RIC1: variants seen among roughly 807,000 people sequenced by gnomAD.
RIC1 encodes the protein RIC1 partner of RAB6A GEF complex, also known as guanine nucleotide exchange factor subunit RIC1.
RIC1 carries 88 observed loss-of-function variants against 169.0 expected under a neutral mutation model. The observed-to-expected ratio is 0.52, with a 90% CI of 0.44 to 0.62. RIC1 has a LOEUF of 0.62. Ranked by LOEUF, RIC1 falls within the 20% of genes least tolerant of loss-of-function variation. The pLI, the probability that RIC1 is intolerant of heterozygous loss-of-function variation, is 0.00. For missense variants in RIC1, 1,877 were observed against 1,725.5 expected (o/e 1.09, Z -1.56); for synonymous variants, 790 against 601.5 (o/e 1.31, Z -4.59).
chr9:5,655,239 C>G (rs540185062), intron 1 of RIC1, among the ~76,000 whole-genome samples: 2 of 152,028 alleles, frequency 1.3e-5, no homozygotes, highest in African/African-American at 4.8e-5. Context: ...TTTCTATTCC[C>G]GAGAGGTTTT....
intron 17 of RIC1, among the ~76,000 whole-genome samples, chr9:5,759,345 G>A (rs755986566): frequency 1.3e-5 from 2 of 152,152 alleles, no homozygotes; most frequent in Non-Finnish European, 2.9e-5. Flanking sequence ...ATCAAATCAA[G>A]TATAGAGAGT....
intron 10 of RIC1, among the ~76,000 whole-genome samples, chr9:5,744,336 A>G (rs918964326): frequency 6.6e-6 from 1 of 152,214 alleles, no homozygotes; most frequent in South Asian, 2.1e-4. Flanking sequence ...GGATATCTGT[A>G]TCTATATATC....
intron 1 of RIC1, among the ~76,000 whole-genome samples, chr9:5,637,525 C>T (rs942667797): frequency 6.6e-6 from 1 of 152,176 alleles, no homozygotes; most frequent in Non-Finnish European, 1.5e-5. Context: ...ACTGTAGTCA[C>T]CCTGTTGTGC....
At chr9:5,759,519 A>G (rs1012217886) in intron 17 of RIC1, among the ~76,000 whole-genome samples, 46 of 152,216 alleles carry the variant, frequency 3.0e-4, no homozygotes, top group African/African-American at 9.9e-4. Flanking sequence ...AAATGTGATA[A>G]TCACTACCCT....
At position 5,720,713 on chromosome 9, in the gene RIC1, G is replaced by C. The variant is rs745594567; in HGVS notation, c.683G>C (p.Gly228Ala). 2 of 1,611,868 alleles carry C rather than the reference G, an allele frequency of 1.2e-6. No homozygotes were observed. Among genetic ancestry groups the C allele is most frequent in the South Asian group, 1.1e-5 (1 of 90,664 alleles). The change falls in exon 6 of 26, where the codon GGA (glycine) becomes GCA (alanine). Residue 228 changes from glycine (G) to alanine (A), a missense_variant. Physicochemically the swap from Gly to Ala is moderately conservative, Grantham distance 60. Around this residue, in one of 3 missense-constraint regions of RIC1, gnomAD observed 1,104 missense variants for 992.0 expected, o/e 1.11. Coordinates refer to ENST00000414202, the MANE Select transcript of RIC1 (RefSeq NM_020829.4). ...FAVVFNDGKVGFITPVSSRFT... is the reference protein window; with the variant it reads ...FAVVFNDGKVAFITPVSSRFT... ...GTTGTATTTAATGATGGTAAAGTTG[G>C]ATTTATTACACCAGTGTCAAGTAGA...
intron 6 of RIC1, among the ~76,000 whole-genome samples, chr9:5,732,053 C>T (rs551217927): frequency 3.9e-5 from 6 of 152,284 alleles, no homozygotes; most frequent in Non-Finnish European, 8.8e-5. Flanking sequence ...ATGCTGTTTC[C>T]GCTGTCAAAA....
chr9:5,697,086 C>A (rs1386315380), intron 3 of RIC1, among the ~76,000 whole-genome samples: 5 of 152,174 alleles, frequency 3.3e-5, no homozygotes. Flanking sequence ...TGTGGAGTGT[C>A]ACTATGTATT....
intron 2 of RIC1, among the ~76,000 whole-genome samples, chr9:5,686,080 T>C (rs201983304): frequency 3.4e-4 from 52 of 151,672 alleles, no homozygotes; most frequent in African/African-American, 9.0e-4. Flanking sequence ...CTATGAGATA[T>C]CATCTCACAC....
chr9:5,741,793 C>G (rs1825098121), intron 8 of RIC1, among the ~76,000 whole-genome samples: 1 of 152,088 alleles, frequency 6.6e-6, no homozygotes, highest in Non-Finnish European at 1.5e-5. Flanking sequence ...TGTCTTGATT[C>G]TTTGTGTTCT....
chr9:5,726,656 C>G (rs1309928822), intron 6 of RIC1, among the ~76,000 whole-genome samples: 1 of 152,200 alleles, frequency 6.6e-6, no homozygotes, highest in Non-Finnish European at 1.5e-5. Context: ...CATCGATGGT[C>G]TTTACAATTT....
At chr9:5,723,166 C>T (rs1180374425) in intron 6 of RIC1, among the ~76,000 whole-genome samples, 1 of 152,196 alleles carries the variant, frequency 6.6e-6, no homozygotes, top group African/African-American at 2.4e-5. Context: ...AGTTTACAGT[C>T]CCACCAACAG....
chr9:5,763,150 G>A lies in RIC1; in HGVS notation c.2123G>A (p.Cys708Tyr). The A allele has an allele frequency of 6.2e-7, 1 of 1,613,484 alleles. No individual in the cohort carries two copies. Among genetic ancestry groups the A allele is most frequent in the Non-Finnish European group, 8.5e-7 (1 of 1,179,500 alleles). Residue 708 changes from cysteine to tyrosine, a missense_variant, in exon 19 of 26, where the codon TGT becomes TAT. Physicochemically the swap from Cys to Tyr is radical, Grantham distance 194 (BLOSUM62 -2). This residue lies in a region of RIC1 where 1,104 missense variants were observed against 992.0 expected (regional missense o/e 1.11). Transcript: ENST00000414202. The surrounding 1 kb of genome is among the most constrained non-coding windows in gnomAD (Gnocchi z 5.2). The stretch of plus-strand genomic sequence containing the variant: ...TCTCTCCTTCTCCAGCTGCCATTCT[G>A]TCCTCCTGTTGTACTAGCCCAGTCT... ...PNNQRKLLPF[C>Y]PPVVLAQSVE... is the part of the protein sequence containing the mutation.
intron 6 of RIC1, among the ~76,000 whole-genome samples, chr9:5,721,018 T>A (rs1253804231): frequency 6.6e-6 from 1 of 152,214 alleles, no homozygotes; most frequent in Non-Finnish European, 1.5e-5. Context: ...ACTGGTTATT[T>A]TGATTTTTAA....
chr9:5,715,602 C>G (rs1444659499), intron 4 of RIC1, among the ~76,000 whole-genome samples: 3 of 152,156 alleles, frequency 2.0e-5, no homozygotes, highest in African/African-American at 7.2e-5. Context: ...CTCCTGTCAC[C>G]ACAAATATAA....
intron 6 of RIC1, among the ~76,000 whole-genome samples, chr9:5,723,055 C>G (rs1823710914): frequency 6.6e-6 from 1 of 152,184 alleles, no homozygotes; most frequent in African/African-American, 2.4e-5. Context: ...GATTTATAAT[C>G]CTTTGGGTAT....
At chr9:5,642,309 GCCA>G (rs1301387297) in intron 1 of RIC1, among the ~76,000 whole-genome samples, 1 of 144,124 alleles carries the variant, frequency 6.9e-6, no homozygotes, top group East Asian at 1.9e-4. Context: ...CACCCCTGTT[GCCA>G]CCACCACTGA....
Position 5,660,809 on chromosome 9 carries a change from C to G in RIC1, c.252+4119C>G, listed in dbSNP as rs560310680. On this transcript the variant is annotated intron_variant, in intron 2 of 25. Transcript: ENST00000414202. ...GCTACCATTCTGTTGTTTATCTGCT[C>G]ACTCCAATGATAGTTTCTGTTGCTG... is the stretch of plus-strand genomic sequence containing the variant. 4.6e-5 allele frequency among the ~76,000 whole-genome samples: 7 copies of G among 152,160 alleles called. No individual in the cohort carries two copies. In the South Asian group the frequency reaches 1.2e-3, roughly 27 times the overall value.
chr9:5,730,804 T>C (rs1824327642), intron 6 of RIC1, among the ~76,000 whole-genome samples: 1 of 152,156 alleles, frequency 6.6e-6, no homozygotes, highest in Non-Finnish European at 1.5e-5. Context: ...TTCTTCTATA[T>C]AACTTGAAGA....
intron 17 of RIC1, among the ~76,000 whole-genome samples, chr9:5,759,966 G>C (rs1389713592): frequency 6.6e-6 from 1 of 152,182 alleles, no homozygotes; most frequent in Non-Finnish European, 1.5e-5. Context: ...AGTAGTCCTG[G>C]ATACCATATT....
Sources: gnomAD v4.1 joint callset for allele counts (sites outside exome capture counted in the v4.1 genomes callset) on GRCh38, gnomAD v4.1.1 for gene constraint, gnomAD v4.1.1 regional missense constraint, Gnocchi (gnomAD v3.1) non-coding constraint, MANE v1.5 for transcripts, NCBI Gene and HGNC (gene_info 2026-07-23, HGNC 2026-07-21) for gene names.